Variants in OR7E24 observed in about 807,000 individuals in gnomAD.
The protein encoded by OR7E24 is olfactory receptor family 7 subfamily E member 24, also known as olfactory receptor 7E24.
For missense variants in OR7E24, 385 were observed against 410.3 expected (o/e 0.94, Z 0.53); for synonymous variants, 130 against 157.5 (o/e 0.83, Z 1.31).
the OR7E24 span, among the ~76,000 whole-genome samples, chr19:9,218,645 G>T: frequency 6.6e-6 from 1 of 151,636 alleles, no homozygotes. Context: ...TTTTTTTTTG[G>T]GGGGGACATG....
chr19:9,221,337 G>GC, the OR7E24 span, among the ~76,000 whole-genome samples: 386 of 122,786 alleles, frequency 3.1e-3, 10 homozygotes, highest in Non-Finnish European at 5.3e-3. Context: ...CAGGTCTTTT[G>GC]CCCTTTTTTT....
upstream of OR7E24, among the ~76,000 whole-genome samples, chr19:9,243,425 T>C (rs908834846): frequency 6.6e-6 from 1 of 151,638 alleles, no homozygotes; most frequent in Non-Finnish European, 1.5e-5. Context: ...CTTGAACTCC[T>C]GGGCTCAAGT....
the OR7E24 span, among the ~76,000 whole-genome samples, chr19:9,233,313 CCTTTT>C: frequency 5.2e-4 from 79 of 152,136 alleles, no homozygotes; most frequent in African/African-American, 1.9e-3. Flanking sequence ...CTTAAATTTG[CCTTTT>C]CTTTTTCTAG....
At chr19:9,230,473 A>G in the OR7E24 span, among the ~76,000 whole-genome samples, 2 of 152,070 alleles carry the variant, frequency 1.3e-5, no homozygotes, top group Non-Finnish European at 2.9e-5. Context: ...GAATGTCCAT[A>G]CTTGAATGTA....
At chr19:9,211,378 A>G in the OR7E24 span, 1 of 152,248 alleles carries the variant, frequency 6.6e-6, no homozygotes, top group South Asian at 2.1e-4. Flanking sequence ...TTAGGCTGCA[A>G]AGATCAGCAG....
chr19:9,251,985 C>T lies in OR7E24; in HGVS notation c.942C>T (p.Asp314=). Residue 314 remains aspartate (D), a synonymous_variant, in exon 1 of 1, where the codon GAC becomes GAT. Transcript: ENST00000456448. ...TCATCTACAGCCTGAGGAACAAGGA[C>T]ATTCAAAGTGCCCTGTGCAGGCTGC... is the stretch of plus-strand genomic sequence containing the variant. ...NPFIYSLRNK[D]IQSALCRLHG... is the part of the protein sequence containing the mutation. 6.2e-7 allele frequency: 1 copy of T among 1,614,138 alleles called. No homozygotes were observed. Among genetic ancestry groups the T allele is most frequent in the Non-Finnish European group, 8.5e-7 (1 of 1,180,036 alleles).
Position 9,251,325 on chromosome 19 carries a change from C to T in OR7E24, c.282C>T (p.Thr94=). The part of the protein sequence containing the change: ...LSLADIGFTS[T]TVPKMIVDMQ... The stretch of plus-strand genomic sequence containing the variant: ...TGGCTGACATCGGTTTCACCTCCAC[C>T]ACGGTCCCCAAGATGATTGTGGACA... Residue 94 remains threonine, a synonymous_variant, in exon 1 of 1, where the codon ACC becomes ACT. Transcript: ENST00000456448. The T allele has an allele frequency of 6.2e-7, 1 of 1,614,100 alleles. No individual in the cohort carries two copies. Among genetic ancestry groups the T allele is most frequent in the Non-Finnish European group, 8.5e-7 (1 of 1,180,016 alleles).
chr19:9,224,073 A>G, the OR7E24 span, among the ~76,000 whole-genome samples: 1 of 151,838 alleles, frequency 6.6e-6, no homozygotes, highest in Admixed American at 6.6e-5. Flanking sequence ...GATGGTCTCG[A>G]TCTCCTGACC....
chr19:9,206,947 T>C, the OR7E24 span: 2 of 152,148 alleles, frequency 1.3e-5, no homozygotes, highest in African/African-American at 4.8e-5. Context: ...CTTGAACCTG[T>C]GTGGGTCTGA....
At chr19:9,232,417 A>G in the OR7E24 span, among the ~76,000 whole-genome samples, 24 of 151,764 alleles carry the variant, frequency 1.6e-4, 1 homozygote, top group South Asian at 4.4e-3. Context: ...GTGCGCCTGT[A>G]GTCCCAGCTA....
At chr19:9,230,233 C>T in the OR7E24 span, among the ~76,000 whole-genome samples, 38 of 152,062 alleles carry the variant, frequency 2.5e-4, no homozygotes, top group Middle Eastern at 3.4e-3. Flanking sequence ...TTAGTAGAGA[C>T]GGGGTTTCTC....
chr19:9,252,031 C>T lies in OR7E24; in HGVS notation c.988C>T (p.His330Tyr), dbSNP rs372301703. The change falls in exon 1 of 1, where the codon CAT (histidine) becomes TAT (tyrosine). Residue 330 changes from histidine to tyrosine, a missense_variant. Physicochemically the swap from His to Tyr is moderately conservative, Grantham distance 83. Coordinates refer to ENST00000456448, the MANE Select transcript of OR7E24 (RefSeq NM_001079935.2). ...CRLHGRIIKSHHLHPFCYMG is the reference protein window; with the variant it reads ...CRLHGRIIKSYHLHPFCYMG ...GCTGCATGGCAGAATCATCAAATCT[C>T]ATCATCTCCATCCTTTTTGTTATAT... 2.5e-6 allele frequency: 4 copies of T among 1,613,978 alleles called. No individual in the cohort carries two copies. Among genetic ancestry groups the T allele is most frequent in the Non-Finnish European group, 3.4e-6 (4 of 1,179,996 alleles).
the OR7E24 span, among the ~76,000 whole-genome samples, chr19:9,227,111 A>G: frequency 6.6e-6 from 1 of 152,086 alleles, no homozygotes; most frequent in African/African-American, 2.4e-5. Flanking sequence ...TGTTCCCATC[A>G]TTTAGCTTTC....
chr19:9,237,506 G>A, the OR7E24 span, among the ~76,000 whole-genome samples: 1 of 151,688 alleles, frequency 6.6e-6, no homozygotes, highest in African/African-American at 2.4e-5. Context: ...TAGTAGAGAC[G>A]GGGTTTCACC....
chr19:9,220,507 TTC>T, the OR7E24 span, among the ~76,000 whole-genome samples: 24 of 152,226 alleles, frequency 1.6e-4, no homozygotes, highest in South Asian at 2.1e-4. Flanking sequence ...TAACACAATG[TTC>T]TCTGAGTTCA....
chr19:9,209,879 T>A, the OR7E24 span: 2 of 152,142 alleles, frequency 1.3e-5, no homozygotes, highest in Non-Finnish European at 2.9e-5. Flanking sequence ...AATCTCGAAC[T>A]CTTGACCTTG....
the OR7E24 span, chr19:9,214,876 C>T: frequency 1.2e-5 from 15 of 1,295,642 alleles, no homozygotes; most frequent in Middle Eastern, 1.9e-4. Flanking sequence ...GAAAAAGCAA[C>T]GTTTAATGAA....
chr19:9,241,157 A>G, the OR7E24 span, among the ~76,000 whole-genome samples: 1 of 152,170 alleles, frequency 6.6e-6, no homozygotes, highest in Non-Finnish European at 1.5e-5. Context: ...TGTACATGGC[A>G]GAAAGTAGGG....
At chr19:9,250,209 C>T (rs910771425), upstream of OR7E24, among the ~76,000 whole-genome samples, 2 of 152,090 alleles carry the variant, frequency 1.3e-5, no homozygotes, top group Admixed American at 1.3e-4. Flanking sequence ...ATTCTCCTGA[C>T]TCAGCCTCCT....
Sources: gnomAD v4.1 joint callset for allele counts (sites outside exome capture counted in the v4.1 genomes callset) on GRCh38, gnomAD v4.1.1 for gene constraint, MANE v1.5 for transcripts, NCBI Gene and HGNC (gene_info 2026-07-23, HGNC 2026-07-21) for gene names.